The following POU6F2 variants were observed in gnomAD, a reference collection of about 807,000 sequenced individuals.
POU6F2 encodes POU domain, class 6, transcription factor 2.
POU6F2 carries 31 observed loss-of-function variants against 71.3 expected under a neutral mutation model. The observed-to-expected ratio is 0.43, with a 90% CI of 0.33 to 0.59. POU6F2 has a LOEUF of 0.59. Ranked by LOEUF, POU6F2 falls within the 20% of genes least tolerant of loss-of-function variation. The probability of loss-of-function intolerance (pLI) is 0.04; values close to 1 mark genes in which losing one functional copy is unlikely to be tolerated. For missense variants in POU6F2, 783 were observed against 856.8 expected (o/e 0.91, Z 1.07); for synonymous variants, 347 against 355.7 (o/e 0.98, Z 0.27).
intron 4 of POU6F2, among the ~76,000 whole-genome samples, chr7:39,242,850 CCACCTCCAT>C: frequency 6.6e-6 from 1 of 152,242 alleles, no homozygotes; most frequent in East Asian, 1.9e-4. Context: ...AATCTTCACA[CCACCTCCAT>C]CAGGTTCTAG....
In POU6F2 at chr7:39,339,638, G is replaced by A; in HGVS notation, c.599-4G>A. 6.3e-7 allele frequency: 1 copy of A among 1,580,726 alleles called. No individual in the cohort carries two copies. Among genetic ancestry groups the A allele is most frequent in the Non-Finnish European group, 8.5e-7 (1 of 1,169,820 alleles). On this transcript the variant is annotated splice_region_variant and splice_polypyrimidine_tract_variant and intron_variant, in intron 4 of 9. Transcript: ENST00000518318. ...CACTCCACATTCGCTTTCTCTCCTT[G>A]TAGCTACCTCATCCCTGAACTCCCA...
At chr7:39,030,990 T>G (rs1361400535) in intron 1 of POU6F2, among the ~76,000 whole-genome samples, 1 of 150,878 alleles carries the variant, frequency 6.6e-6, no homozygotes, top group Non-Finnish European at 1.5e-5. Context: ...AACCTCCTCC[T>G]CCCGGGTTCA....
chr7:39,206,201 A>G (rs1433869237), intron 3 of POU6F2, among the ~76,000 whole-genome samples: 1 of 152,184 alleles, frequency 6.6e-6, no homozygotes, highest in Non-Finnish European at 1.5e-5. Flanking sequence ...TATGTTCCAC[A>G]TGGCTCCCAC....
Position 39,439,184 on chromosome 7 carries a change from G to GTTTT in POU6F2, c.1320+5908_1320+5911dup, listed in dbSNP as rs61692037. On this transcript the variant is annotated intron_variant, in intron 7 of 9. Coordinates refer to ENST00000518318, the MANE Select transcript of POU6F2 (RefSeq NM_001370959.1). The stretch of plus-strand genomic sequence containing the variant: ...TCAGAGACTAGGATTGCAACCCCTG[G>GTTTT]TTTTTTTTTTGCTTTCCATTTGCTT... Among the ~76,000 whole-genome samples, 602 of 148,388 alleles carry GTTTT rather than the reference G, an allele frequency of 4.1e-3. 6 individuals carry two copies. Among genetic ancestry groups the GTTTT allele is most frequent in the African/African-American group, 0.014 (550 of 40,648 alleles).
chr7:39,264,614 C>G (rs1200473118), intron 4 of POU6F2, among the ~76,000 whole-genome samples: 1 of 152,172 alleles, frequency 6.6e-6, no homozygotes, highest in African/African-American at 2.4e-5. Flanking sequence ...GTCTGGCTCC[C>G]CTCCTATGGT....
At chr7:39,399,173 G>C (rs1787242296) in intron 5 of POU6F2, among the ~76,000 whole-genome samples, 1 of 152,060 alleles carries the variant, frequency 6.6e-6, no homozygotes, top group Admixed American at 6.5e-5. Context: ...CTCCAGGTCT[G>C]GATACTGCTT....
intron 5 of POU6F2, chr7:39,406,087 AGT>A (rs1272385740): frequency 6.5e-6 from 1 of 153,794 alleles, no homozygotes; most frequent in Non-Finnish European, 1.4e-5. Flanking sequence ...CAAACAAGAA[AGT>A]GGGGTGGAAC....
At chr7:38,995,767 CACTACCTCAGAGGG>C in intron 1 of POU6F2, among the ~76,000 whole-genome samples, 1 of 152,166 alleles carries the variant, frequency 6.6e-6, no homozygotes. Context: ...TTATAAAAAT[CACTACCTCAGAGGG>C]TTGCTGTGAG....
intron 5 of POU6F2, among the ~76,000 whole-genome samples, chr7:39,386,461 A>T (rs1786946197): frequency 6.6e-6 from 1 of 152,150 alleles, no homozygotes; most frequent in Non-Finnish European, 1.5e-5. Flanking sequence ...AGTGCAGATG[A>T]GGTTAGAATT....
At chr7:38,978,485 T>C (rs1453337574) in intron 1 of POU6F2, among the ~76,000 whole-genome samples, 2 of 152,202 alleles carry the variant, frequency 1.3e-5, no homozygotes, top group Non-Finnish European at 2.9e-5. Flanking sequence ...TCCTTCTCTC[T>C]TTCTCTCCCT....
chr7:38,995,346 T>G (rs573396704), intron 1 of POU6F2, among the ~76,000 whole-genome samples: 2 of 152,346 alleles, frequency 1.3e-5, no homozygotes, highest in South Asian at 4.1e-4. Flanking sequence ...CTCTCTGGCA[T>G]TTGTTTCTCC....
At chr7:39,459,598 G>A (rs913445111) in intron 8 of POU6F2, among the ~76,000 whole-genome samples, 1 of 152,146 alleles carries the variant, frequency 6.6e-6, no homozygotes, top group East Asian at 1.9e-4. Flanking sequence ...ATGGGCTATT[G>A]CGCAGAAAAA....
chr7:39,141,713 T>C (rs922179457), intron 2 of POU6F2, among the ~76,000 whole-genome samples: 1 of 152,206 alleles, frequency 6.6e-6, no homozygotes, highest in African/African-American at 2.4e-5. Context: ...ATAATGAATA[T>C]TTGTATTATT....
In POU6F2 at chr7:38,981,178, A is replaced by G. The variant is rs542581853; in HGVS notation, c.105+3120A>G. 1.2e-4 allele frequency among the ~76,000 whole-genome samples: 19 copies of G among 152,374 alleles called. No homozygotes were observed. The East Asian group carries it at 3.7e-3, about 29-fold the overall frequency. On this transcript the variant is annotated intron_variant, in intron 1 of 9. Transcript: ENST00000518318. ...GGATGATTTTCAATTCAATTCAATT[A>G]CACAGTTAATCAGTTTCTGATCGTT...
At chr7:39,023,679 A>C (rs1388788949) in intron 1 of POU6F2, among the ~76,000 whole-genome samples, 2 of 152,126 alleles carry the variant, frequency 1.3e-5, no homozygotes, top group Admixed American at 6.6e-5. Context: ...AAGCATTTCC[A>C]TCTAATTTAT....
chr7:39,236,293 ATAAC>A (rs1320511865), intron 4 of POU6F2, among the ~76,000 whole-genome samples: 10 of 152,226 alleles, frequency 6.6e-5, no homozygotes, highest in African/African-American at 2.4e-4. Flanking sequence ...CTCTGAGAAT[ATAAC>A]TAAGCGCCTC....
intron 5 of POU6F2, among the ~76,000 whole-genome samples, chr7:39,379,433 A>G (rs1786780155): frequency 6.6e-6 from 1 of 152,082 alleles, no homozygotes; most frequent in Non-Finnish European, 1.5e-5. Flanking sequence ...TCTGTCTTCA[A>G]ACCACCTCCC....
chr7:39,077,435 T>C (rs945114028), intron 1 of POU6F2, among the ~76,000 whole-genome samples: 2 of 152,248 alleles, frequency 1.3e-5, no homozygotes, highest in African/African-American at 4.8e-5. Context: ...GTTATGTTGT[T>C]ATTTCAGTCT....
At chr7:39,110,268 CAAAAA>C (rs35337549) in intron 2 of POU6F2, among the ~76,000 whole-genome samples, 1 of 103,736 alleles carries the variant, frequency 9.6e-6, no homozygotes. Context: ...AACTCCGTCT[CAAAAA>C]AAAAAAAAAA....
Sources: gnomAD v4.1 joint callset for allele counts (sites outside exome capture counted in the v4.1 genomes callset) on GRCh38, gnomAD v4.1.1 for gene constraint, MANE v1.5 for transcripts, NCBI Gene and HGNC (gene_info 2026-07-23, HGNC 2026-07-21) for gene names.